Variants in GUCY2C observed in about 807,000 individuals in gnomAD.
GUCY2C encodes guanylyl cyclase C.
A neutral mutation model predicts 131.1 loss-of-function variants in GUCY2C; 118 were observed. The observed-to-expected ratio is 0.90, with a 90% CI of 0.78 to 1.05. The LOEUF is 1.05. GUCY2C is among the 50% of genes least tolerant of loss of function. The probability of loss-of-function intolerance (pLI) is 0.00; values close to 1 mark genes in which losing one functional copy is unlikely to be tolerated. For synonymous variants in GUCY2C, 452 were observed against 457.8 expected (o/e 0.99, Z 0.16); for missense variants, 1,161 against 1,304.4 (o/e 0.89, Z 1.69).
At chr12:14,652,159 T>TTATA in intron 13 of GUCY2C, 129 bp from the exon 14 acceptor site, 1 of 316,576 alleles carries the variant, frequency 3.2e-6, no homozygotes, top group Non-Finnish European at 5.6e-6. Flanking sequence ...TTGATTGATT[T>TTATA]TTTATATTTA....
intron 6 of GUCY2C, among the ~76,000 whole-genome samples, chr12:14,677,608 T>C (rs541620850): frequency 6.6e-6 from 1 of 152,270 alleles, no homozygotes; most frequent in South Asian, 2.1e-4. Flanking sequence ...TTCACTCTCA[T>C]TTCCCAGGCT....
chr12:14,625,992 A>G lies in GUCY2C; in HGVS notation c.2250-77T>C. ...ACATCCAATAAAACAATGGACAAAT[A>G]TGATGAACAGATAATTAAACAAAGA... On this transcript the variant is annotated intron_variant, in intron 20 of 26. Transcript: ENST00000261170. 4.8e-6 allele frequency: 4 copies of G among 826,700 alleles called. 1 individual carries two copies. The highest frequency in any genetic ancestry group is 3.4e-5 in the South Asian group (2 of 58,910). The allele number at this position is 826,700 out of a possible 1,614,324, so 51.2% of individuals were successfully genotyped here. A position where few individuals can be genotyped will look rare whatever the true frequency, so the allele number is the denominator to read the frequency against.
intron 3 of GUCY2C, among the ~76,000 whole-genome samples, chr12:14,684,777 C>T (rs1321341344): frequency 6.6e-6 from 1 of 151,720 alleles, no homozygotes; most frequent in Non-Finnish European, 1.5e-5. Context: ...TCAAGTGATC[C>T]TCCCATCTTG....
intron 10 of GUCY2C, among the ~76,000 whole-genome samples, chr12:14,665,073 G>A (rs1264323447): frequency 1.3e-5 from 2 of 152,026 alleles, no homozygotes; most frequent in African/African-American, 2.4e-5. Context: ...TTAGCCGGCC[G>A]CGGTGGCAGG....
intron 21 of GUCY2C, 57 bp downstream of exon 21, chr12:14,625,700 C>A: frequency 1.9e-6 from 3 of 1,540,992 alleles, no homozygotes; most frequent in Non-Finnish European, 2.7e-6. Context: ...TATATAGATA[C>A]AATGAAAAGC....
intron 5 of GUCY2C, among the ~76,000 whole-genome samples, chr12:14,680,966 T>C (rs1948336518): frequency 6.6e-6 from 1 of 152,106 alleles, no homozygotes; most frequent in Admixed American, 6.5e-5. Flanking sequence ...ATCCTCTTGG[T>C]CACCAGGAGG....
At chr12:14,652,300 C>T (rs1020148121) in intron 13 of GUCY2C, among the ~76,000 whole-genome samples, 1 of 151,974 alleles carries the variant, frequency 6.6e-6, no homozygotes, top group Admixed American at 6.6e-5. Context: ...TCAGCCTCCC[C>T]AGTAGCTGGG....
intron 8 of GUCY2C, 98 bp downstream of exon 8, chr12:14,674,527 G>T: frequency 1.2e-6 from 1 of 845,108 alleles, no homozygotes; most frequent in Non-Finnish European, 1.9e-6. Context: ...ATTTAGCTGT[G>T]GAATCATCTA....
Position 14,664,821 on chromosome 12 carries a change from A to G in GUCY2C, c.1283-3759T>C, listed in dbSNP as rs192706632. ...ATAGATGAGTGCTGGAGTCCAGAGT[A>G]GAAATATATTCAGTTATCTCATGTT... is the stretch of plus-strand genomic sequence containing the variant. On this transcript the variant is annotated intron_variant, in intron 10 of 26. Coordinates refer to ENST00000261170, the MANE Select transcript of GUCY2C (RefSeq NM_004963.4). Among the ~76,000 whole-genome samples the G allele has an allele frequency of 2.3e-3, 347 of 152,302 alleles. 2 individuals are homozygous for G. The highest frequency in any genetic ancestry group is 8.0e-3 in the African/African-American group (331 of 41,542).
chr12:14,663,555 T>A (rs1947911718), intron 10 of GUCY2C, among the ~76,000 whole-genome samples: 1 of 152,244 alleles, frequency 6.6e-6, no homozygotes, highest in South Asian at 2.1e-4. Context: ...AGTGCTGGGA[T>A]TACAGGCGTG....
chr12:14,681,151 T>C (rs2137090125), intron 5 of GUCY2C, among the ~76,000 whole-genome samples: 1 of 152,240 alleles, frequency 6.6e-6, no homozygotes, highest in East Asian at 1.9e-4. Flanking sequence ...TACTTAGGTA[T>C]TTTCTCTCAG....
chr12:14,644,862 C>T (rs1947487123), intron 16 of GUCY2C, among the ~76,000 whole-genome samples: 1 of 151,564 alleles, frequency 6.6e-6, no homozygotes, highest in Admixed American at 6.6e-5. Flanking sequence ...CTGCCTCAGC[C>T]TCCGAAAGTG....
intron 15 of GUCY2C, among the ~76,000 whole-genome samples, chr12:14,649,906 AT>A (rs907515602): frequency 6.6e-6 from 1 of 152,212 alleles, no homozygotes; most frequent in African/African-American, 2.4e-5. Context: ...TTAAATATTT[AT>A]TTTTTTGAAA....
chr12:14,645,171 G>C (rs985413984), intron 16 of GUCY2C, 58 bp downstream of exon 16: 1 of 906,580 alleles, frequency 1.1e-6, no homozygotes, highest in Admixed American at 2.0e-5. Context: ...TGAATAACTT[G>C]TTAGATCTGT....
intron 24 of GUCY2C, 148 bp from the exon 25 acceptor site, chr12:14,616,875 A>C: frequency 1.6e-6 from 1 of 641,318 alleles, no homozygotes; most frequent in South Asian, 1.8e-5. Flanking sequence ...ACACTTAAAA[A>C]TAACATCAGA....
intron 8 of GUCY2C, 95 bp from the exon 9 acceptor site, chr12:14,673,053 G>T: frequency 1.4e-6 from 1 of 722,508 alleles, no homozygotes. Flanking sequence ...GGTTCAAATA[G>T]CTCTGTTTCA....
intron 19 of GUCY2C, among the ~76,000 whole-genome samples, chr12:14,635,851 A>G (rs969262785): frequency 6.6e-6 from 1 of 152,146 alleles, no homozygotes; most frequent in Non-Finnish European, 1.5e-5. Flanking sequence ...ACTGAAAAAT[A>G]TAGAGGAAGT....
intron 19 of GUCY2C, among the ~76,000 whole-genome samples, chr12:14,630,725 C>T (rs902044383): frequency 2.0e-5 from 3 of 152,110 alleles, no homozygotes; most frequent in Non-Finnish European, 4.4e-5. Flanking sequence ...GGAGAGACGA[C>T]TCTACTGGGT....
At chr12:14,634,789 C>G (rs1947226990) in intron 19 of GUCY2C, among the ~76,000 whole-genome samples, 1 of 151,992 alleles carries the variant, frequency 6.6e-6, no homozygotes, top group South Asian at 2.1e-4. Context: ...CAAATGAAAA[C>G]CAAAAGCAAG....
Sources: allele counts gnomAD v4.1 joint callset (sites outside exome capture counted in the v4.1 genomes callset), GRCh38; gene constraint gnomAD v4.1.1; transcripts MANE v1.5; gene names NCBI Gene and HGNC (gene_info 2026-07-23, HGNC 2026-07-21).